The following EDARADD variants were observed in gnomAD, a reference collection of about 807,000 sequenced individuals.
The protein encoded by EDARADD is EDAR associated via death domain.
A neutral mutation model predicts 25.6 loss-of-function variants in EDARADD; 20 were observed. The ratio of observed to expected loss-of-function variants is 0.78; its 90% CI spans 0.55 to 1.14. The LOEUF is 1.14. EDARADD is among the 50% of genes most tolerant of loss of function. The pLI is 0.00. For missense variants in EDARADD, 225 were observed against 270.1 expected (o/e 0.83, Z 1.17); for synonymous variants, 86 against 94.4 (o/e 0.91, Z 0.52).
At chr1:236,399,053 C>T (rs537423314) in intron 1 of EDARADD, among the ~76,000 whole-genome samples, 2 of 152,276 alleles carry the variant, frequency 1.3e-5, no homozygotes, top group South Asian at 2.1e-4. Flanking sequence ...ATTTTAGGAA[C>T]TTACTCATCG....
rs183568643 is a variant in EDARADD at position 236,460,535 on chromosome 1, A to C, written c.220-7696A>C. Among the ~76,000 whole-genome samples the C allele has an allele frequency of 1.4e-4, 21 of 152,266 alleles. No homozygotes were observed. The East Asian group carries it at 1.9e-3, about 14-fold the overall frequency. On this transcript the variant is annotated intron_variant, in intron 4 of 5. Transcript: ENST00000334232. ...TCTGGAGTATACTGTCAAATAATAG[A>C]TATATGTCCACATTTTTATACGGAC...
At chr1:236,390,364 G>A (rs1397011542), upstream of EDARADD, among the ~76,000 whole-genome samples, 4 of 152,090 alleles carry the variant, frequency 2.6e-5, no homozygotes, top group Non-Finnish European at 5.9e-5. Flanking sequence ...GACCATCCTG[G>A]CTAACACGGT....
intron 3 of EDARADD, among the ~76,000 whole-genome samples, chr1:236,351,976 G>A (rs777755504): frequency 2.6e-5 from 4 of 152,050 alleles, no homozygotes; most frequent in Non-Finnish European, 5.9e-5. Context: ...CTGTCATGGC[G>A]CTGGGGGGTG....
At chr1:236,451,006 A>G (rs1658697167) in intron 4 of EDARADD, among the ~76,000 whole-genome samples, 1 of 152,120 alleles carries the variant, frequency 6.6e-6, no homozygotes, top group Non-Finnish European at 1.5e-5. Flanking sequence ...TTCTATCACC[A>G]TGGCCACTGC....
chr1:236,435,671 A>G (rs1658230615), intron 4 of EDARADD, among the ~76,000 whole-genome samples: 1 of 152,220 alleles, frequency 6.6e-6, no homozygotes, highest in Non-Finnish European at 1.5e-5. Context: ...AAATATTAAA[A>G]TGTTATTTGA....
chr1:236,357,752 T>G (rs1666997226), intron 3 of EDARADD, among the ~76,000 whole-genome samples: 1 of 151,624 alleles, frequency 6.6e-6, no homozygotes. Flanking sequence ...TCTGCCCCAG[T>G]GACCTAAATA....
At chr1:236,429,523 G>C (rs3119827) in intron 4 of EDARADD, among the ~76,000 whole-genome samples, 4 of 150,302 alleles carry the variant, frequency 2.7e-5, no homozygotes, top group Non-Finnish European at 5.9e-5. Context: ...GACTACAGGC[G>C]CCCGCCACCA....
At chr1:236,349,222 A>G (rs1726675) in intron 2 of EDARADD, among the ~76,000 whole-genome samples, 52,551 of 151,662 alleles carry the variant, frequency 0.35, 9,364 homozygotes, top group African/African-American at 0.43. Flanking sequence ...CCCAGGCTGG[A>G]CTGTAGTGAT....
chr1:236,482,681 G>T lies in EDARADD; in HGVS notation c.*32G>T. 1 of 1,609,638 alleles carries T rather than the reference G, an allele frequency of 6.2e-7. No homozygotes were observed. Among genetic ancestry groups the T allele is most frequent in the Non-Finnish European group, 8.5e-7 (1 of 1,180,002 alleles). On this transcript the variant is annotated 3_prime_UTR_variant, in exon 6 of 6. Coordinates refer to ENST00000334232, the MANE Select transcript of EDARADD (RefSeq NM_145861.4). ...TCTTCTTCCTTCATTGGCCTCTCCG[G>T]ATGTTGAAACAACCACAGGTCAAGA...
At chr1:236,349,264 G>A (rs1038953398) in intron 2 of EDARADD, among the ~76,000 whole-genome samples, 1 of 134,032 alleles carries the variant, frequency 7.5e-6, no homozygotes, top group Admixed American at 7.2e-5. Flanking sequence ...TCCATCTCCC[G>A]GGTTCAAAGC....
upstream of EDARADD, among the ~76,000 whole-genome samples, chr1:236,390,325 G>A (rs1667406525): frequency 6.6e-6 from 1 of 152,162 alleles, no homozygotes; most frequent in Non-Finnish European, 1.5e-5. Flanking sequence ...GGAGGCCGAG[G>A]CGGGCGGATC....
chr1:236,351,940 T>G (rs186437900), intron 3 of EDARADD, among the ~76,000 whole-genome samples: 403 of 152,232 alleles, frequency 2.6e-3, no homozygotes, highest in Admixed American at 6.3e-3. Context: ...CACTCATTTT[T>G]ACACCAAATA....
At position 236,409,230 on chromosome 1, in the gene EDARADD, G is replaced by A; in HGVS notation, c.76G>A (p.Glu26Lys). 3 of 1,612,944 alleles carry A rather than the reference G, an allele frequency of 1.9e-6. No homozygotes were observed. The highest frequency in any genetic ancestry group is 2.2e-5 in the East Asian group (1 of 44,832). The part of the protein sequence containing the change: ...PGHQEDHMVK[E>K]PVEDTDPSTL... ...TCTTTTTACAGATCATATGGTAAAG[G>A]AACCAGTGGAAGACACAGACCCTAG... Residue 26 changes from glutamate (E) to lysine (K), a missense_variant, in exon 2 of 6, where the codon GAA becomes AAA. Physicochemically the swap from Glu to Lys is moderately conservative, Grantham distance 56. Coordinates refer to ENST00000334232, the MANE Select transcript of EDARADD (RefSeq NM_145861.4).
chr1:236,405,874 C>CTTCCTTCCTTTTCT (rs56931070), intron 1 of EDARADD, among the ~76,000 whole-genome samples: 1 of 30,874 alleles, frequency 3.2e-5, no homozygotes, highest in African/African-American at 1.2e-4. Context: ...TCCTTCCTTC[C>CTTCCTTCCTTTTCT]TTCTTTCTTT....
chr1:236,410,406 T>C (rs1657435513), intron 2 of EDARADD, among the ~76,000 whole-genome samples: 1 of 152,220 alleles, frequency 6.6e-6, no homozygotes, highest in Non-Finnish European at 1.5e-5. Context: ...TGCATCCATG[T>C]GGCTGCAAAG....
At chr1:236,447,246 TCTTTC>T (rs72237388) in intron 4 of EDARADD, among the ~76,000 whole-genome samples, 2,447 of 120,918 alleles carry the variant, frequency 0.02, 75 homozygotes, top group African/African-American at 0.081. Flanking sequence ...TTCTTTCCTT[TCTTTC>T]CTTTCTTTCT....
chr1:236,483,089 G>A lies in EDARADD; in HGVS notation c.*440G>A. 1.0e-6 allele frequency: 1 copy of A among 964,678 alleles called. No individual in the cohort carries two copies. The highest frequency in any genetic ancestry group is 1.6e-6 in the Non-Finnish European group (1 of 622,186). 59.8% of individuals were successfully genotyped at this position (964,678 alleles called of 1,614,324 possible). A position where few individuals can be genotyped will look rare whatever the true frequency, so the allele number is the denominator to read the frequency against. ...ACGGTTTCAAAGAAAACAGCTACAA[G>A]GAATGCTTACCTGAGTGTCTGCAGC... On this transcript the variant is annotated 3_prime_UTR_variant, in exon 6 of 6. Transcript: ENST00000334232.
At chr1:236,418,748 C>T (rs1358584169) in intron 3 of EDARADD, among the ~76,000 whole-genome samples, 1 of 152,178 alleles carries the variant, frequency 6.6e-6, no homozygotes, top group Non-Finnish European at 1.5e-5. Flanking sequence ...AACTAGGAAG[C>T]CAATATGTTG....
At chr1:236,391,884 G>A (rs1396842558), upstream of EDARADD, among the ~76,000 whole-genome samples, 3 of 152,084 alleles carry the variant, frequency 2.0e-5, no homozygotes, top group South Asian at 2.1e-4. Flanking sequence ...TTAAAGCCTC[G>A]GAATTTGCCT....
Sources: gnomAD v4.1 joint callset for allele counts (sites outside exome capture counted in the v4.1 genomes callset) on GRCh38, gnomAD v4.1.1 for gene constraint, MANE v1.5 for transcripts, NCBI Gene and HGNC (gene_info 2026-07-23, HGNC 2026-07-21) for gene names.